The following POLDIP3 variants were observed in gnomAD, a reference collection of about 807,000 sequenced individuals.
The protein encoded by POLDIP3 is DNA polymerase delta interacting protein 3, also known as polymerase delta-interacting protein 3.
POLDIP3 carries 14 observed loss-of-function variants against 45.1 expected under a neutral mutation model. The ratio of observed to expected loss-of-function variants is 0.31; its 90% confidence interval spans 0.20 to 0.49. The LOEUF is 0.49. POLDIP3 is among the 20% of genes least tolerant of loss of function. POLDIP3 has a pLI of 0.99. For missense variants in POLDIP3, 511 were observed against 538.8 expected (o/e 0.95, Z 0.51); for synonymous variants, 223 against 205.2 (o/e 1.09, Z -0.74).
At chr22:42,595,639 C>T in intron 5 of POLDIP3, 25 bp from the exon 6 acceptor site, 1 of 1,605,282 alleles carries the variant, frequency 6.2e-7, no homozygotes. Context: ...AGAGCATTAC[C>T]AGAAGCCAGA....
intron 1 of POLDIP3, among the ~76,000 whole-genome samples, chr22:42,607,909 C>G (rs1926857289): frequency 6.6e-6 from 1 of 151,558 alleles, no homozygotes; most frequent in African/African-American, 2.4e-5. Flanking sequence ...CGTCTCCGCC[C>G]GGCAGCCGCC....
At position 42,583,800 on chromosome 22, in the gene POLDIP3, T is replaced by C. The variant is rs1433186161; in HGVS notation, c.*1991A>G. 6.6e-6 allele frequency: 1 copy of C among 152,438 alleles called. No individual in the cohort carries two copies. Among genetic ancestry groups the C allele is most frequent in the Admixed American group, 6.6e-5 (1 of 15,254 alleles). The allele number at this position is 152,438 out of a possible 1,614,324, so 9.4% of individuals were successfully genotyped here. A position where few individuals can be genotyped will look rare whatever the true frequency, so the allele number is the denominator to read the frequency against. ...ATCTCTTAATGCCCCTTCCTCTCCT[T>C]CTGCACAGGAGACACAGATGGGTAA... On this transcript the variant is annotated 3_prime_UTR_variant, in exon 9 of 9. Coordinates refer to ENST00000252115, the MANE Select transcript of POLDIP3 (RefSeq NM_032311.5).
chr22:42,591,810 G>C, intron 7 of POLDIP3, 145 bp downstream of exon 7: 1 of 1,096,636 alleles, frequency 9.1e-7, no homozygotes, highest in Non-Finnish European at 1.3e-6. Flanking sequence ...GGACTACTCA[G>C]AGACTGCACG....
intron 8 of POLDIP3, among the ~76,000 whole-genome samples, chr22:42,586,711 G>A (rs1251590002): frequency 1.3e-5 from 2 of 152,094 alleles, no homozygotes; most frequent in African/African-American, 2.4e-5. Flanking sequence ...ATTACCCAGG[G>A]TTCAAATCCT....
chr22:42,591,856 T>A, intron 7 of POLDIP3, 99 bp downstream of exon 7: 1 of 1,513,252 alleles, frequency 6.6e-7, no homozygotes, highest in Non-Finnish European at 9.1e-7. Context: ...CAGAGATGGG[T>A]TCCACCCATC....
chr22:42,585,208 A>C lies in POLDIP3; in HGVS notation c.*583T>G. ...GGTGCAGCCTCATCCTGCCCTTGCCACTAGTGAGGCCTGGAGCCACTGGGG... is the reference window on the plus strand; with the variant it reads ...GGTGCAGCCTCATCCTGCCCTTGCCCCTAGTGAGGCCTGGAGCCACTGGGG... On this transcript the variant is annotated 3_prime_UTR_variant, in exon 9 of 9. Coordinates refer to ENST00000252115, the MANE Select transcript of POLDIP3 (RefSeq NM_032311.5). The C allele has an allele frequency of 2.0e-6, 1 of 510,886 alleles. No individual in the cohort carries two copies. Among genetic ancestry groups the C allele is most frequent in the Admixed American group, 2.0e-5 (1 of 50,486 alleles). 31.6% of individuals were successfully genotyped at this position (510,886 alleles called of 1,614,324 possible).
At chr22:42,595,324 G>C (rs1168232747) in intron 6 of POLDIP3, among the ~76,000 whole-genome samples, 1 of 152,146 alleles carries the variant, frequency 6.6e-6, no homozygotes, top group African/African-American at 2.4e-5. Context: ...TGCTGGGAGG[G>C]GCCTCTGGAG....
rs1241841785 is a variant in POLDIP3, at chr22:42,585,780, C to A, written c.*11G>T. 4.4e-6 allele frequency: 7 copies of A among 1,608,318 alleles called. No individual in the cohort carries two copies. In the South Asian group the frequency reaches 7.7e-5, roughly 18 times the overall value. ...CCTCTGCCCCCACTTCTGGCTGCCT[C>A]ACTCCCCTGCTCAAAGCTTGATTTT... is the stretch of plus-strand genomic sequence containing the variant. On this transcript the variant is annotated 3_prime_UTR_variant, in exon 9 of 9. Transcript: ENST00000252115.
intron 1 of POLDIP3, among the ~76,000 whole-genome samples, chr22:42,614,364 G>A (rs1240560287): frequency 2.0e-5 from 3 of 152,268 alleles, no homozygotes; most frequent in South Asian, 2.1e-4. Flanking sequence ...AGCTTCGGCG[G>A]TCGGAGCAAG....
intron 1 of POLDIP3, among the ~76,000 whole-genome samples, chr22:42,607,449 G>A (rs895173491): frequency 5.9e-5 from 9 of 152,220 alleles, no homozygotes; most frequent in South Asian, 2.1e-4. Context: ...GAGTGATCTC[G>A]GCTCGCTACA....
At chr22:42,607,941 G>A (rs1926861624) in intron 1 of POLDIP3, among the ~76,000 whole-genome samples, 1 of 151,012 alleles carries the variant, frequency 6.6e-6, no homozygotes, top group Non-Finnish European at 1.5e-5. Flanking sequence ...GGAGGTGGGG[G>A]GCAGCCCCCG....
intron 6 of POLDIP3, 148 bp downstream of exon 6, chr22:42,595,389 T>A: frequency 2.8e-6 from 2 of 706,800 alleles, no homozygotes; most frequent in Non-Finnish European, 4.9e-6. Flanking sequence ...CTCTGCATCC[T>A]TTTGCTGTCA....
Position 42,585,760 on chromosome 22 carries a change from G to T in POLDIP3, c.*31C>A. ...TGGGGAAACAGAGCCACCCTCCTCT[G>T]CCCCCACTTCTGGCTGCCTCACTCC... On this transcript the variant is annotated 3_prime_UTR_variant, in exon 9 of 9. Transcript: ENST00000252115. 1 of 1,598,692 alleles carries T rather than the reference G, an allele frequency of 6.3e-7. No individual in the cohort carries two copies. Among genetic ancestry groups the T allele is most frequent in the Non-Finnish European group, 8.5e-7 (1 of 1,172,062 alleles).
chr22:42,597,794 T>C, intron 4 of POLDIP3: 2 of 462,144 alleles, frequency 4.3e-6, no homozygotes, highest in East Asian at 1.4e-4. Context: ...TTTTTTTTTT[T>C]TTTTGAGACG....
intron 6 of POLDIP3, among the ~76,000 whole-genome samples, chr22:42,595,285 C>T (rs1020861177): frequency 2.6e-5 from 4 of 152,362 alleles, no homozygotes; most frequent in East Asian, 1.9e-4. Context: ...CAACTTGCTG[C>T]GAGTTGCACC....
At chr22:42,604,142 C>T (rs1045700605) in intron 1 of POLDIP3, among the ~76,000 whole-genome samples, 1 of 152,208 alleles carries the variant, frequency 6.6e-6, no homozygotes, top group African/African-American at 2.4e-5. Flanking sequence ...TCAACGGCCA[C>T]TCATGCGGCA....
chr22:42,606,002 C>T (rs1051110274), intron 1 of POLDIP3, among the ~76,000 whole-genome samples: 5 of 152,080 alleles, frequency 3.3e-5, no homozygotes, highest in African/African-American at 1.2e-4. Flanking sequence ...ATTAGCCAGA[C>T]GTGGTGGCAC....
At chr22:42,606,528 C>T (rs1276116921) in intron 1 of POLDIP3, among the ~76,000 whole-genome samples, 2 of 152,158 alleles carry the variant, frequency 1.3e-5, no homozygotes, top group African/African-American at 4.8e-5. Flanking sequence ...CAGGCTGAAG[C>T]AGGAAGACCA....
chr22:42,591,891 C>T (rs745579482), intron 7 of POLDIP3, 64 bp downstream of exon 7: 72 of 1,604,246 alleles, frequency 4.5e-5, no homozygotes, highest in Middle Eastern at 3.3e-4. Context: ...CCTGGAAGGC[C>T]TGCTACCTGA....
Sources: gnomAD v4.1 joint callset for allele counts (sites outside exome capture counted in the v4.1 genomes callset) on GRCh38, gnomAD v4.1.1 for gene constraint, MANE v1.5 for transcripts, NCBI Gene and HGNC (gene_info 2026-07-23, HGNC 2026-07-21) for gene names.